Variants in TJP3 observed in about 807,000 individuals in gnomAD.
The protein encoded by TJP3 is tight junction protein ZO-3.
A neutral mutation model predicts 104.2 loss-of-function variants in TJP3; 85 were observed. The observed-to-expected ratio is 0.82, with a 90% confidence interval of 0.68 to 0.98. The LOEUF is 0.98. TJP3 is among the 50% of genes least tolerant of loss of function. TJP3 has a pLI of 0.00. For synonymous variants in TJP3, 550 were observed against 550.6 expected (o/e 1.00, Z 0.02); for missense variants, 1,367 against 1,322.8 (o/e 1.03, Z -0.52).
At chr19:3,750,345 C>G (rs2036975855) in intron 20 of TJP3, among the ~76,000 whole-genome samples, 161 bp downstream of exon 20, 1 of 152,106 alleles carries the variant, frequency 6.6e-6, no homozygotes, top group African/African-American at 2.4e-5. Flanking sequence ...TAATCAGGGC[C>G]AAGGGAGTAG....
In TJP3 at chr19:3,708,514, G is replaced by C. The variant is rs1205956534; in HGVS notation, c.-57G>C. 1.3e-5 allele frequency: 2 copies of C among 152,220 alleles called. No homozygotes were observed. The highest frequency in any genetic ancestry group is 4.8e-5 in the African/African-American group (2 of 41,444). The allele number at this position is 152,220 out of a possible 1,614,324, so 9.4% of individuals were successfully genotyped here. A position where few individuals can be genotyped will look rare whatever the true frequency, so the allele number is the denominator to read the frequency against. ...CCACCCGTGCCAGGCAGGCACCCGG[G>C]CCCTGGCACCTGCTGCCTGCCCAGA... On this transcript the variant is annotated 5_prime_UTR_variant, in exon 1 of 21. Coordinates refer to ENST00000541714, the MANE Select transcript of TJP3 (RefSeq NM_001267560.2).
At chr19:3,738,284 T>G (rs962240957) in intron 11 of TJP3, among the ~76,000 whole-genome samples, 3 of 152,226 alleles carry the variant, frequency 2.0e-5, no homozygotes, top group Non-Finnish European at 4.4e-5. Flanking sequence ...CAACCCACCA[T>G]GATTTGGTTA....
intron 1 of TJP3, among the ~76,000 whole-genome samples, chr19:3,722,242 C>T (rs1412757843): frequency 2.0e-5 from 3 of 152,170 alleles, no homozygotes; most frequent in Non-Finnish European, 4.4e-5. Context: ...TGAGTGAACC[C>T]TCTCCTTCCC....
intron 1 of TJP3, among the ~76,000 whole-genome samples, chr19:3,716,817 T>TTTGA (rs2036482387): frequency 1.5e-5 from 2 of 133,570 alleles, no homozygotes; most frequent in Non-Finnish European, 3.3e-5. Flanking sequence ...TTTTTTTTTT[T>TTTGA]GAAACAGAGT....
At position 3,728,696 on chromosome 19, in the gene TJP3, G is replaced by A. The variant is rs563260649; in HGVS notation, c.141G>A (p.Pro47=). 7.4e-6 allele frequency: 12 copies of A among 1,613,496 alleles called. No individual in the cohort carries two copies. Among genetic ancestry groups the A allele is most frequent in the Admixed American group, 5.0e-5 (3 of 59,970 alleles). ...MVVSDVVPGG[P]AEGRLQTGDH... ...TATCTGACGTGGTACCTGGAGGGCC[G>A]GCGGAGGGCAGGCTACAGTGAGTAT... Residue 47 remains proline (P), a synonymous_variant, in exon 3 of 21, where the codon CCG becomes CCA. Coordinates refer to ENST00000541714, the MANE Select transcript of TJP3 (RefSeq NM_001267560.2).
At chr19:3,719,756 A>AAGGG (rs1355679060) in intron 1 of TJP3, among the ~76,000 whole-genome samples, 2 of 148,804 alleles carry the variant, frequency 1.3e-5, no homozygotes, top group African/African-American at 4.9e-5. Flanking sequence ...AAAAAAAAAG[A>AAGGG]AGGGAAGACA....
At chr19:3,744,127 G>C (rs1031486435) in intron 15 of TJP3, 93 bp downstream of exon 15, 80 of 1,193,304 alleles carry the variant, frequency 6.7e-5, no homozygotes, top group Non-Finnish European at 9.4e-5. Context: ...AATAATGATG[G>C]CAAACATGAA....
chr19:3,745,634 C>T (rs962615279), intron 15 of TJP3, among the ~76,000 whole-genome samples: 8 of 152,118 alleles, frequency 5.3e-5, no homozygotes, highest in South Asian at 4.1e-4. Flanking sequence ...CCTGTGGGGT[C>T]GTAGCCTGAG....
At chr19:3,708,874 C>G (rs915335483) in intron 1 of TJP3, among the ~76,000 whole-genome samples, 2 of 152,144 alleles carry the variant, frequency 1.3e-5, no homozygotes, top group Non-Finnish European at 2.9e-5. Context: ...TCTGATCCCC[C>G]TAACTGAGGA....
intron 1 of TJP3, among the ~76,000 whole-genome samples, chr19:3,715,384 C>T (rs565647096): frequency 6.6e-5 from 10 of 152,206 alleles, no homozygotes; most frequent in East Asian, 5.8e-4. Context: ...CCACCGCGCC[C>T]GGCCAAAAGC....
chr19:3,735,847 G>C (rs2036731366), intron 9 of TJP3, 22 bp from the exon 10 acceptor site: 4 of 1,613,928 alleles, frequency 2.5e-6, no homozygotes, highest in Non-Finnish European at 3.4e-6. Context: ...GCTTGGGAAA[G>C]AGACTGGCTT....
Position 3,746,091 on chromosome 19 carries a change from G to A in TJP3, c.2010+10G>A. 6.3e-7 allele frequency: 1 copy of A among 1,599,556 alleles called. No homozygotes were observed. Among genetic ancestry groups the A allele is most frequent in the Non-Finnish European group, 8.5e-7 (1 of 1,172,288 alleles). ...GGTGATTGCAGAAAAAGTAAGCCGG[G>A]TCCTGCTACGGGTCCCATTTCATGG... On this transcript the variant is annotated intron_variant, in intron 16 of 20. Transcript: ENST00000541714. The surrounding 1 kb of genome is among the most constrained non-coding windows in gnomAD (Gnocchi z 4.1).
chr19:3,728,828 G>C, intron 3 of TJP3, 115 bp downstream of exon 3: 1 of 1,108,830 alleles, frequency 9.0e-7, no homozygotes, highest in East Asian at 2.5e-5. Context: ...TGAAGTGGGC[G>C]GATCACCTGA....
At chr19:3,709,420 C>T (rs1038663532) in intron 1 of TJP3, among the ~76,000 whole-genome samples, 1 of 152,098 alleles carries the variant, frequency 6.6e-6, no homozygotes, top group Non-Finnish European at 1.5e-5. Context: ...TTTACTCCTC[C>T]GAGCAAAATC....
intron 9 of TJP3, 101 bp from the exon 10 acceptor site, chr19:3,735,768 G>A (rs2036730302): frequency 5.7e-6 from 9 of 1,574,980 alleles, no homozygotes; most frequent in Admixed American, 1.7e-5. Flanking sequence ...AGAAGGACTC[G>A]AGGTGGGTGA....
chr19:3,724,520 T>C (rs2036578286), intron 1 of TJP3, among the ~76,000 whole-genome samples: 1 of 151,362 alleles, frequency 6.6e-6, no homozygotes, highest in African/African-American at 2.4e-5. Flanking sequence ...AGTCAGGAAA[T>C]ACAAATTCCT....
chr19:3,738,578 C>T lies in TJP3; in HGVS notation c.1308C>T (p.Asn436=). 3.7e-6 allele frequency: 6 copies of T among 1,613,780 alleles called. 1 individual carries two copies. The highest frequency in any genetic ancestry group is 2.2e-5 in the South Asian group (2 of 91,032). ...AGGTGAATGACGTGCCATTCCAGAA[C>T]CTGACACGGGAGGAGGCAGTGCAGT... ...ILQVNDVPFQ[N]LTREEAVQFL... The change falls in exon 12 of 21, where the codon AAC becomes AAT. Residue 436 remains asparagine, a synonymous_variant. Coordinates refer to ENST00000541714, the MANE Select transcript of TJP3 (RefSeq NM_001267560.2).
chr19:3,744,838 G>T (rs12984084), intron 15 of TJP3, among the ~76,000 whole-genome samples: 1 of 152,154 alleles, frequency 6.6e-6, no homozygotes, highest in Non-Finnish European at 1.5e-5. Context: ...TGAGGCAGGA[G>T]AATTGCTTGA....
Position 3,730,081 on chromosome 19 carries a change from C to A in TJP3, c.212C>A (p.Ser71Tyr). The change falls in exon 4 of 21, where the codon TCC becomes TAC. Residue 71 changes from serine (S) to tyrosine (Y), a missense_variant. Physicochemically the swap from Ser to Tyr is moderately radical, Grantham distance 144. Coordinates refer to ENST00000541714, the MANE Select transcript of TJP3 (RefSeq NM_001267560.2). This position sits in a 1 kb window ranked among gnomAD's most constrained non-coding sequence, Gnocchi z 7.3. ...GGGGTTTCCATGGAGAATGCCACCT[C>A]CGCGTTTGCCATTCAGATACTCAAG... is the stretch of plus-strand genomic sequence containing the variant. ...VNGVSMENAT[S>Y]AFAIQILKTC... 3 of 1,614,168 alleles carry A rather than the reference C, an allele frequency of 1.9e-6. No homozygotes were observed. In the South Asian group the frequency reaches 3.3e-5, roughly 18 times the overall value.
Sources: gnomAD v4.1 joint callset for allele counts (sites outside exome capture counted in the v4.1 genomes callset) on GRCh38, gnomAD v4.1.1 for gene constraint, Gnocchi (gnomAD v3.1) non-coding constraint, MANE v1.5 for transcripts, NCBI Gene and HGNC (gene_info 2026-07-23, HGNC 2026-07-21) for gene names.